Variants in NUP93 observed in about 807,000 individuals in gnomAD.
NUP93 encodes nuclear pore complex protein Nup93.
Under a neutral mutation model 107.8 loss-of-function variants are expected in NUP93, and 55 were observed. The observed-to-expected ratio is 0.51, with a 90% CI of 0.41 to 0.64. The LOEUF is 0.64. Ranked by LOEUF, NUP93 falls within the 30% of genes least tolerant of loss-of-function variation. NUP93 has a pLI of 0.00. For missense variants in NUP93, 937 were observed against 1,044.7 expected, an observed-to-expected ratio of 0.90 and a Z score of 1.42; for synonymous variants, 390 against 397.5, an observed-to-expected ratio of 0.98 and a Z score of 0.22.
chr16:56,838,561 A>G (rs1963958083), intron 18 of NUP93, among the ~76,000 whole-genome samples: 1 of 152,116 alleles, frequency 6.6e-6, no homozygotes, highest in Non-Finnish European at 1.5e-5. Context: ...TGCTTTTTAT[A>G]CATTTTTTTT....
intron 3 of NUP93, among the ~76,000 whole-genome samples, chr16:56,762,122 G>A (rs1200414931): frequency 6.6e-6 from 1 of 152,168 alleles, no homozygotes; most frequent in East Asian, 1.9e-4. Context: ...TGTGGTGCTT[G>A]GGAGTATGCG....
chr16:56,805,607 C>T lies in NUP93; in HGVS notation c.464C>T (p.Ala155Val), dbSNP rs1397199891. 1 of 1,613,910 alleles carries T rather than the reference C, an allele frequency of 6.2e-7. No homozygotes were observed. The highest frequency in any genetic ancestry group is 1.7e-5 in the Admixed American group (1 of 60,004). ...LHTLLASGEDALDFTQESEPS... is the reference protein window; with the variant it reads ...LHTLLASGEDVLDFTQESEPS... The stretch of plus-strand genomic sequence containing the variant: ...ACACTGCTGGCATCAGGAGAAGACG[C>T]CCTTGACTTTACTCAAGAAAGCGAG... Residue 155 changes from alanine (A) to valine (V), a missense_variant, in exon 5 of 22, where the codon GCC becomes GTC. Ala to Val is a moderately conservative substitution (Grantham distance 64). Transcript: ENST00000308159.
chr16:56,826,974 G>A (rs1204579856), intron 8 of NUP93, among the ~76,000 whole-genome samples: 3 of 144,484 alleles, frequency 2.1e-5, no homozygotes, highest in East Asian at 2.1e-4. Context: ...TGAACCCGGT[G>A]GGCAGAGGTT....
chr16:56,798,371 G>C (rs1025483875), intron 3 of NUP93, 105 bp from the exon 4 acceptor site: 2 of 875,866 alleles, frequency 2.3e-6, no homozygotes, highest in Non-Finnish European at 3.7e-6. Context: ...TTTGTGAGGT[G>C]TAGGTAGCAT....
intron 3 of NUP93, among the ~76,000 whole-genome samples, chr16:56,795,660 T>C (rs1962880773): frequency 6.6e-6 from 1 of 151,526 alleles, no homozygotes. Flanking sequence ...ATTTTTATTT[T>C]TATTTTTTGA....
At chr16:56,808,153 T>A (rs9931522) in intron 5 of NUP93, among the ~76,000 whole-genome samples, 32,053 of 63,828 alleles carry the variant, frequency 0.5, 7,551 homozygotes, top group East Asian at 0.77. Context: ...TAACTATATA[T>A]AATATATAGT....
chr16:56,759,733 G>T (rs1962090093), intron 3 of NUP93, among the ~76,000 whole-genome samples: 1 of 150,778 alleles, frequency 6.6e-6, no homozygotes, highest in African/African-American at 2.4e-5. Context: ...ACAACTGCTT[G>T]AGGCTCTCTG....
chr16:56,745,091 G>A (rs1274480849), intron 1 of NUP93, among the ~76,000 whole-genome samples: 1 of 152,204 alleles, frequency 6.6e-6, no homozygotes, highest in East Asian at 1.9e-4. Context: ...TAAAGGAGAT[G>A]GGGGATTGCT....
At chr16:56,750,969 G>C (rs1405469342) in intron 2 of NUP93, among the ~76,000 whole-genome samples, 1 of 152,020 alleles carries the variant, frequency 6.6e-6, no homozygotes, top group African/African-American at 2.4e-5. Flanking sequence ...GACCAGCCTG[G>C]ACAACATGGC....
intron 4 of NUP93, among the ~76,000 whole-genome samples, chr16:56,803,798 C>G (rs1468328623): frequency 6.6e-6 from 1 of 151,986 alleles, no homozygotes; most frequent in Non-Finnish European, 1.5e-5. Context: ...CTGTGACAGT[C>G]TTGCTCTGTT....
rs977496875 is a variant in NUP93 at position 56,757,964 on chromosome 16, G to T, written c.180-574G>T. ...GGTTAAGAGTTGTGCTGTACAACCCGGGAGGCTGAGGCAGGAGAATCACAT... is the reference window on the plus strand; with the variant it reads ...GGTTAAGAGTTGTGCTGTACAACCCTGGAGGCTGAGGCAGGAGAATCACAT... On this transcript the variant is annotated intron_variant, in intron 2 of 21. Transcript: ENST00000308159. 2.6e-5 allele frequency among the ~76,000 whole-genome samples: 4 copies of T among 152,138 alleles called. No individual in the cohort carries two copies. In the East Asian group the frequency reaches 7.7e-4, roughly 29 times the overall value.
chr16:56,740,168 A>G (rs1371180949), intron 1 of NUP93, among the ~76,000 whole-genome samples: 2 of 143,202 alleles, frequency 1.4e-5, no homozygotes, highest in African/African-American at 2.7e-5. Flanking sequence ...TGCCGGGCGG[A>G]GACGCTCCTC....
chr16:56,813,021 T>C (rs962415799), intron 5 of NUP93, among the ~76,000 whole-genome samples: 9 of 152,328 alleles, frequency 5.9e-5, no homozygotes, highest in African/African-American at 1.9e-4. Context: ...GGCTGCTTTG[T>C]GGTATTAGAC....
chr16:56,845,485 C>T lies in NUP93; in HGVS notation c.*876C>T, dbSNP rs1964106306. ...GGTCACGTGCTGAGTCTGCAATGTA[C>T]AGAATCCAGACCACCACATGGCATC... On this transcript the variant is annotated 3_prime_UTR_variant, in exon 22 of 22. Coordinates refer to ENST00000308159, the MANE Select transcript of NUP93 (RefSeq NM_014669.5). 6.6e-6 allele frequency: 1 copy of T among 152,252 alleles called. No individual in the cohort carries two copies. Among genetic ancestry groups the T allele is most frequent in the African/African-American group, 2.4e-5 (1 of 41,442 alleles). 9.4% of individuals were successfully genotyped at this position (152,252 alleles called of 1,614,324 possible).
At chr16:56,820,351 C>A (rs1489816765) in intron 6 of NUP93, among the ~76,000 whole-genome samples, 1 of 152,164 alleles carries the variant, frequency 6.6e-6, no homozygotes, top group Admixed American at 6.5e-5. Flanking sequence ...GCTCTTTCAC[C>A]CAGGCTGGAG....
intron 5 of NUP93, among the ~76,000 whole-genome samples, chr16:56,815,719 C>T (rs1406404979): frequency 6.6e-6 from 1 of 152,158 alleles, no homozygotes; most frequent in Non-Finnish European, 1.5e-5. Flanking sequence ...GTTTTTCTCC[C>T]CATTTAATCT....
At chr16:56,828,417 G>A (rs1394419867) in intron 8 of NUP93, among the ~76,000 whole-genome samples, 1 of 151,968 alleles carries the variant, frequency 6.6e-6, no homozygotes, top group African/African-American at 2.4e-5. Context: ...ACTGAGGTTA[G>A]GCAGGAGAAG....
chr16:56,736,175 C>A (rs531509798), intron 1 of NUP93, among the ~76,000 whole-genome samples: 1 of 152,246 alleles, frequency 6.6e-6, no homozygotes, highest in Admixed American at 6.5e-5. Flanking sequence ...ACTAAAAATA[C>A]AAAAATTACC....
chr16:56,732,685 G>A (rs1297740049), intron 1 of NUP93, among the ~76,000 whole-genome samples: 1 of 152,176 alleles, frequency 6.6e-6, no homozygotes, highest in African/African-American at 2.4e-5. Flanking sequence ...GCCAAGGAGG[G>A]GGACAGGTTG....
Sources: allele counts gnomAD v4.1 joint callset (sites outside exome capture counted in the v4.1 genomes callset), GRCh38; gene constraint gnomAD v4.1.1; transcripts MANE v1.5; gene names NCBI Gene and HGNC (gene_info 2026-07-23, HGNC 2026-07-21).